The following IGSF11 variants were observed in gnomAD, a reference collection of about 807,000 sequenced individuals.
The protein encoded by IGSF11 is immunoglobulin superfamily member 11.
IGSF11 carries 22 observed loss-of-function variants against 41.0 expected under a neutral mutation model. The observed-to-expected ratio is 0.54, with a 90% CI of 0.38 to 0.77. The LOEUF (loss-of-function observed/expected upper bound fraction) is 0.77, where lower values mean the gene tolerates loss of function less well. IGSF11 is among the 30% of genes least tolerant of loss of function. The pLI, the probability that IGSF11 is intolerant of heterozygous loss-of-function variation, is 0.00. For missense variants in IGSF11, 444 were observed against 530.8 expected (o/e 0.84, Z 1.61); for synonymous variants, 219 against 201.3 (o/e 1.09, Z -0.74).
At chr3:118,917,021 G>C (rs1941200993) in intron 4 of IGSF11, among the ~76,000 whole-genome samples, 1 of 152,152 alleles carries the variant, frequency 6.6e-6, no homozygotes, top group Non-Finnish European at 1.5e-5. Flanking sequence ...GGTACATAAG[G>C]AAATGAAGGC....
chr3:119,013,077 T>C (rs947274546), intron 1 of IGSF11: 2 of 152,384 alleles, frequency 1.3e-5, no homozygotes, highest in African/African-American at 2.4e-5. Context: ...TGCTTACCCA[T>C]TCTCTTTGCC....
At chr3:118,928,109 A>G (rs914052764) in intron 3 of IGSF11, among the ~76,000 whole-genome samples, 1 of 152,224 alleles carries the variant, frequency 6.6e-6, no homozygotes, top group Non-Finnish European at 1.5e-5. Context: ...ACTCGGTGTT[A>G]CACAGATATG....
intron 1 of IGSF11, chr3:118,948,246 T>C (rs898916226): frequency 6.6e-6 from 1 of 152,194 alleles, no homozygotes; most frequent in South Asian, 2.1e-4. Context: ...AAATAAGATA[T>C]TGCCACTGTT....
intron 4 of IGSF11, among the ~76,000 whole-genome samples, chr3:118,913,669 A>C (rs938070701): frequency 3.3e-5 from 5 of 152,212 alleles, no homozygotes; most frequent in Admixed American, 3.3e-4. Flanking sequence ...GTACTTTACT[A>C]TAAGAAAATG....
upstream of IGSF11, chr3:119,034,879 C>G (rs926735662): frequency 8.6e-7 from 1 of 1,156,364 alleles, no homozygotes; most frequent in Non-Finnish European, 1.1e-6. Flanking sequence ...GGGAGCCACT[C>G]CCCCCAACTC....
At chr3:118,911,038 A>G (rs970554841) in intron 4 of IGSF11, among the ~76,000 whole-genome samples, 3 of 152,034 alleles carry the variant, frequency 2.0e-5, no homozygotes, top group African/African-American at 7.2e-5. Flanking sequence ...TAGGATGGAG[A>G]TATGTTTCCT....
rs748423732 is a variant in IGSF11 at position 118,905,696 on chromosome 3, G to T, written c.603C>A (p.Thr201=). Residue 201 remains threonine (T), a synonymous_variant, in exon 5 of 7, where the codon ACC becomes ACA. Transcript: ENST00000393775. ...ATQDQVQGTV[T]IRNISALSSG... ...AAGACAGGGCACTGATGTTCCGGAT[G>T]GTGACTGTTCCCTGGACCTGGTCTG... The T allele has an allele frequency of 6.2e-7, 1 of 1,613,798 alleles. No homozygotes were observed.
intron 1 of IGSF11, among the ~76,000 whole-genome samples, chr3:119,015,142 C>T (rs921349278): frequency 2.0e-5 from 3 of 152,242 alleles, no homozygotes; most frequent in South Asian, 4.2e-4. Flanking sequence ...GCCCCCAAAA[C>T]GGAAGTATAA....
At chr3:119,095,383 C>T (rs1480048555) in intron 1 of IGSF11, among the ~76,000 whole-genome samples, 1 of 152,178 alleles carries the variant, frequency 6.6e-6, no homozygotes, top group Non-Finnish European at 1.5e-5. Flanking sequence ...TTGCCTGACT[C>T]TGTTACTTGA....
chr3:118,967,757 C>T (rs187337873), intron 1 of IGSF11, among the ~76,000 whole-genome samples: 2 of 152,284 alleles, frequency 1.3e-5, no homozygotes, highest in African/African-American at 4.8e-5. Context: ...AGTAAATAAG[C>T]AAATGAGAAA....
chr3:119,000,718 G>A (rs1197499843), intron 1 of IGSF11, among the ~76,000 whole-genome samples: 1 of 152,104 alleles, frequency 6.6e-6, no homozygotes, highest in African/African-American at 2.4e-5. Context: ...AAGACTCAAA[G>A]GGAGAAGGGC....
At chr3:119,144,253 C>A (rs1293878109) in intron 1 of IGSF11, among the ~76,000 whole-genome samples, 7 of 152,034 alleles carry the variant, frequency 4.6e-5, no homozygotes, top group African/African-American at 1.7e-4. Flanking sequence ...TGAGTAGAAC[C>A]CTAGACAGAA....
At chr3:119,038,241 T>A (rs1329992214), upstream of IGSF11, among the ~76,000 whole-genome samples, 1 of 152,224 alleles carries the variant, frequency 6.6e-6, no homozygotes, top group African/African-American at 2.4e-5. Flanking sequence ...GTTTATTGTA[T>A]GTTGACATAA....
chr3:118,939,053 A>C (rs1943484870), intron 1 of IGSF11, among the ~76,000 whole-genome samples: 2 of 152,226 alleles, frequency 1.3e-5, no homozygotes, highest in South Asian at 4.1e-4. Context: ...AAAACACAGA[A>C]GACCTGAACA....
intron 1 of IGSF11, among the ~76,000 whole-genome samples, chr3:119,053,146 A>G (rs1576736316): frequency 6.6e-6 from 1 of 152,200 alleles, no homozygotes; most frequent in Non-Finnish European, 1.5e-5. Flanking sequence ...TCCTAGCCAG[A>G]GCAATCAAAC....
Position 118,920,029 on chromosome 3 carries a change from A to G in IGSF11, c.580+6072T>C, listed in dbSNP as rs1469701506. Among the ~76,000 whole-genome samples the G allele has an allele frequency of 3.5e-5, 5 of 141,638 alleles. No individual in the cohort carries two copies. The Admixed American group carries it at 3.6e-4, about 10-fold the overall frequency. The allele number at this position is 141,638 out of a possible 152,430, so 92.9% of individuals were successfully genotyped here. A position where few individuals can be genotyped will look rare whatever the true frequency, so the allele number is the denominator to read the frequency against. ...GCAAGAACAAAAAACCAAACACCGT[A>G]TATTCTCACTCATAGGTGGGAATTG... On this transcript the variant is annotated intron_variant, in intron 4 of 6. Transcript: ENST00000393775.
upstream of IGSF11, chr3:119,034,909 G>T (rs1345254535): frequency 8.0e-6 from 8 of 1,005,420 alleles, no homozygotes; most frequent in African/African-American, 1.0e-4. Flanking sequence ...TACTCCAGCC[G>T]CAGCTCGGCT....
At chr3:118,983,762 T>A (rs1315344715) in intron 1 of IGSF11, among the ~76,000 whole-genome samples, 1 of 152,172 alleles carries the variant, frequency 6.6e-6, no homozygotes, top group Admixed American at 6.5e-5. Context: ...TTCCACTATA[T>A]CTCACTGTTA....
intron 1 of IGSF11, chr3:118,947,770 G>C (rs1944268031): frequency 6.6e-6 from 1 of 152,132 alleles, no homozygotes; most frequent in Non-Finnish European, 1.5e-5. Context: ...CCCATTCAAG[G>C]TAACTTCTAT....
Sources: gnomAD v4.1 joint callset for allele counts (sites outside exome capture counted in the v4.1 genomes callset) on GRCh38, gnomAD v4.1.1 for gene constraint, MANE v1.5 for transcripts, NCBI Gene and HGNC (gene_info 2026-07-23, HGNC 2026-07-21) for gene names.